Variants in AGBL4 observed in about 807,000 individuals in gnomAD.
AGBL4 encodes cytosolic carboxypeptidase 6.
AGBL4 carries 58 observed loss-of-function variants against 66.4 expected under a neutral mutation model. The ratio of observed to expected loss-of-function variants is 0.87; its 90% CI spans 0.71 to 1.09. The LOEUF is 1.09. Among genes scored for constraint, AGBL4 ranks in the 50% least tolerant of loss-of-function variants. The probability of loss-of-function intolerance (pLI) is 0.00; values close to 1 mark genes in which losing one functional copy is unlikely to be tolerated. For missense variants in AGBL4, 579 were observed against 631.0 expected, an observed-to-expected ratio of 0.92 and a Z score of 0.88; for synonymous variants, 234 against 222.9, an observed-to-expected ratio of 1.05 and a Z score of -0.44.
chr1:49,237,079 C>A (rs1006335039), intron 4 of AGBL4, among the ~76,000 whole-genome samples: 4 of 151,108 alleles, frequency 2.6e-5, no homozygotes, highest in Non-Finnish European at 4.4e-5. Context: ...CACGGTGAAA[C>A]CCCATCTCTA....
chr1:49,975,435 C>T lies in AGBL4; in HGVS notation c.34+48328G>A, dbSNP rs1323743082. On this transcript the variant is annotated intron_variant, in intron 1 of 13. Coordinates refer to ENST00000371839, the MANE Select transcript of AGBL4 (RefSeq NM_032785.4). ...AAAAAATTCCCCAAAGGCTTGAGTA[C>T]ATCAGATCAATGCTCAGAAAATGGC... is the stretch of plus-strand genomic sequence containing the variant. Among the ~76,000 whole-genome samples, 4 of 152,124 alleles carry T rather than the reference C, an allele frequency of 2.6e-5. No individual in the cohort carries two copies. In the East Asian group the frequency reaches 7.7e-4, roughly 29 times the overall value.
intron 3 of AGBL4, among the ~76,000 whole-genome samples, chr1:49,596,762 G>A (rs1484948088): frequency 6.6e-6 from 1 of 152,160 alleles, no homozygotes; most frequent in Non-Finnish European, 1.5e-5. Flanking sequence ...GGGTATCAAT[G>A]ATCACATTTT....
chr1:49,797,849 C>T (rs1371198715), intron 2 of AGBL4, among the ~76,000 whole-genome samples: 3 of 151,976 alleles, frequency 2.0e-5, no homozygotes, highest in South Asian at 4.1e-4. Context: ...CTGTAACTTC[C>T]GCCTCCCGCG....
intron 5 of AGBL4, among the ~76,000 whole-genome samples, chr1:48,990,979 T>C (rs1357904302): frequency 6.6e-6 from 1 of 152,152 alleles, no homozygotes; most frequent in Non-Finnish European, 1.5e-5. Context: ...TTAGTCTTTG[T>C]ACTTAAGATA....
intron 4 of AGBL4, among the ~76,000 whole-genome samples, chr1:49,126,974 C>A (rs558100455): frequency 9.9e-5 from 15 of 152,220 alleles, no homozygotes; most frequent in Admixed American, 6.5e-4. Flanking sequence ...ATATCACATT[C>A]AAAAGCACAT....
intron 3 of AGBL4, among the ~76,000 whole-genome samples, chr1:49,465,060 C>A (rs915989473): frequency 6.6e-6 from 1 of 151,656 alleles, no homozygotes; most frequent in Admixed American, 6.6e-5. Flanking sequence ...AGCCTTGATG[C>A]CTTAAACCAA....
At chr1:49,846,800 C>T (rs1646158704) in intron 2 of AGBL4, among the ~76,000 whole-genome samples, 3 of 152,090 alleles carry the variant, frequency 2.0e-5, no homozygotes, top group African/African-American at 7.2e-5. Flanking sequence ...CATGAAAAAA[C>T]ATCCCATACT....
At chr1:48,867,047 G>A (rs764709164) in intron 6 of AGBL4, 144 bp downstream of exon 6, 31 of 918,482 alleles carry the variant, frequency 3.4e-5, no homozygotes, top group Non-Finnish European at 5.0e-5. Context: ...GGGTAGGGGA[G>A]GAGAAGAATC....
intron 3 of AGBL4, among the ~76,000 whole-genome samples, chr1:49,250,236 G>A (rs1651940684): frequency 6.6e-6 from 1 of 152,096 alleles, no homozygotes; most frequent in South Asian, 2.1e-4. Context: ...TCCCAACACA[G>A]AGAAAAGAGA....
intron 9 of AGBL4, among the ~76,000 whole-genome samples, chr1:48,617,919 T>A (rs1645346444): frequency 6.6e-6 from 1 of 152,184 alleles, no homozygotes; most frequent in African/African-American, 2.4e-5. Flanking sequence ...GAGATGAGAC[T>A]CTACCTTGCC....
intron 4 of AGBL4, among the ~76,000 whole-genome samples, chr1:49,146,612 G>C (rs1646222852): frequency 6.6e-6 from 1 of 152,140 alleles, no homozygotes; most frequent in African/African-American, 2.4e-5. Context: ...ATGAAGAGTT[G>C]GTAGCTATAA....
At chr1:48,775,000 G>C (rs1211625664) in intron 6 of AGBL4, among the ~76,000 whole-genome samples, 1 of 152,148 alleles carries the variant, frequency 6.6e-6, no homozygotes, top group East Asian at 1.9e-4. Flanking sequence ...GGAAGCTAAG[G>C]TTACAACCTA....
intron 5 of AGBL4, among the ~76,000 whole-genome samples, chr1:48,892,527 T>C (rs1651065760): frequency 6.6e-6 from 1 of 152,116 alleles, no homozygotes; most frequent in African/African-American, 2.4e-5. Flanking sequence ...AATCAACATA[T>C]GTAAAATGAA....
intron 2 of AGBL4, among the ~76,000 whole-genome samples, chr1:49,705,152 A>G (rs1372249447): frequency 6.6e-6 from 1 of 152,076 alleles, no homozygotes; most frequent in Non-Finnish European, 1.5e-5. Flanking sequence ...ATCCCTTGTA[A>G]GTTGTATTCC....
At chr1:49,254,118 G>A (rs960609002) in intron 3 of AGBL4, among the ~76,000 whole-genome samples, 10 of 152,154 alleles carry the variant, frequency 6.6e-5, no homozygotes, top group Non-Finnish European at 1.2e-4. Flanking sequence ...AGACAAGGAT[G>A]CCCTCTCTCA....
intron 6 of AGBL4, among the ~76,000 whole-genome samples, chr1:48,682,134 A>G (rs1386912608): frequency 6.6e-6 from 1 of 152,240 alleles, no homozygotes; most frequent in Non-Finnish European, 1.5e-5. Flanking sequence ...GGCCATTACA[A>G]GCCAAGGGCT....
chr1:49,916,819 A>C (rs1651563013), intron 1 of AGBL4, among the ~76,000 whole-genome samples: 1 of 152,208 alleles, frequency 6.6e-6, no homozygotes, highest in Non-Finnish European at 1.5e-5. Flanking sequence ...AAAAAATGTT[A>C]AGGGCAGCCA....
At chr1:49,566,985 C>A (rs1020052927) in intron 3 of AGBL4, among the ~76,000 whole-genome samples, 1 of 152,234 alleles carries the variant, frequency 6.6e-6, no homozygotes, top group Admixed American at 6.5e-5. Flanking sequence ...TTTACCTACT[C>A]AAGCCTGGAC....
At chr1:48,995,122 C>T (rs1450508467) in intron 5 of AGBL4, among the ~76,000 whole-genome samples, 2 of 152,172 alleles carry the variant, frequency 1.3e-5, no homozygotes, top group Non-Finnish European at 2.9e-5. Context: ...TTCCTCCAGC[C>T]CTGATGGACC....
Sources: gnomAD v4.1 joint callset for allele counts (sites outside exome capture counted in the v4.1 genomes callset) on GRCh38, gnomAD v4.1.1 for gene constraint, MANE v1.5 for transcripts, NCBI Gene and HGNC (gene_info 2026-07-23, HGNC 2026-07-21) for gene names.